The following PLB1 variants were observed in gnomAD, a reference collection of about 807,000 sequenced individuals.
PLB1 encodes the protein phospholipase B1, also known as phospholipase B1, membrane-associated.
A neutral mutation model predicts 227.4 loss-of-function variants in PLB1; 242 were observed. The ratio of observed to expected loss-of-function variants is 1.06; its 90% CI spans 0.96 to 1.18. The LOEUF is 1.18. Ranked by LOEUF, PLB1 falls within the 50% of genes most tolerant of loss-of-function variation. The pLI, the probability that PLB1 is intolerant of heterozygous loss-of-function variation, is 0.00. For synonymous variants in PLB1, 757 were observed against 682.2 expected, an observed-to-expected ratio of 1.11 and a Z score of -1.71; for missense variants, 1,858 against 1,816.3, an observed-to-expected ratio of 1.02 and a Z score of -0.42.
intron 7 of PLB1, 87 bp downstream of exon 7, chr2:28,529,494 G>A (rs1393203381): frequency 1.7e-6 from 2 of 1,182,054 alleles, no homozygotes; most frequent in African/African-American, 3.1e-5. Context: ...GGCTGGCAAA[G>A]TCAAAGAGGC....
intron 1 of PLB1, among the ~76,000 whole-genome samples, chr2:28,516,155 T>G (rs2148174368): frequency 6.6e-6 from 1 of 152,336 alleles, no homozygotes; most frequent in Non-Finnish European, 1.5e-5. Context: ...TAAAATGAAT[T>G]TAATTTATTG....
At chr2:28,642,560 G>A (rs949612015) in intron 57 of PLB1, among the ~76,000 whole-genome samples, 2 of 152,204 alleles carry the variant, frequency 1.3e-5, no homozygotes, top group Non-Finnish European at 2.9e-5. Context: ...GGCCCCACAG[G>A]GCTCTCTGCC....
rs954869725 is a variant in PLB1, at chr2:28,634,463, C to T, written c.4098+1424C>T. 5.3e-5 allele frequency among the ~76,000 whole-genome samples: 8 copies of T among 152,122 alleles called. No homozygotes were observed. In the East Asian group the frequency reaches 1.5e-3, roughly 29 times the overall value. On this transcript the variant is annotated intron_variant, in intron 56 of 57. Coordinates refer to ENST00000327757, the MANE Select transcript of PLB1 (RefSeq NM_153021.5). ...ACAGATGCCCTTGGCCCTTCCTTCC[C>T]AGTTTTTTCATCAAGGTATGGCCTT...
Position 28,565,300 on chromosome 2 carries a change from C to T in PLB1, c.1227C>T (p.Ser409=). The T allele has an allele frequency of 6.2e-7, 1 of 1,612,188 alleles. No individual in the cohort carries two copies. Among genetic ancestry groups the T allele is most frequent in the African/African-American group, 1.3e-5 (1 of 75,026 alleles). Residue 409 remains serine, a synonymous_variant, in exon 19 of 58, where the codon TCC becomes TCT. Coordinates refer to ENST00000327757, the MANE Select transcript of PLB1 (RefSeq NM_153021.5). ...CTCAGGCAGGCAATGGGGCCGGGTCCACACCTGGGAACGTCTTGGACGTCT... is the reference window on the plus strand; with the variant it reads ...CTCAGGCAGGCAATGGGGCCGGGTCTACACCTGGGAACGTCTTGGACGTCT... ...DSLTAGNGAG[S]TPGNVLDVLT... is the part of the protein sequence containing the mutation.
chr2:28,529,581 T>C, intron 7 of PLB1, 147 bp from the exon 8 acceptor site: 1 of 976,754 alleles, frequency 1.0e-6, no homozygotes, highest in South Asian at 1.6e-5. Context: ...AGCCTAATTT[T>C]GAAAAACAGG....
chr2:28,640,493 G>T (rs1438552049), intron 56 of PLB1, among the ~76,000 whole-genome samples: 1 of 152,184 alleles, frequency 6.6e-6, no homozygotes, highest in African/African-American at 2.4e-5. Flanking sequence ...CTTTCCTAAG[G>T]TTGACTAGCC....
At chr2:28,528,940 TC>T (rs1487293119) in intron 6 of PLB1, among the ~76,000 whole-genome samples, 4 of 138,044 alleles carry the variant, frequency 2.9e-5, no homozygotes, top group Non-Finnish European at 6.2e-5. Context: ...AGGGAGTCAG[TC>T]TTTTTTTTTT....
At chr2:28,619,841 T>C (rs1268643945) in intron 46 of PLB1, among the ~76,000 whole-genome samples, 1 of 152,092 alleles carries the variant, frequency 6.6e-6, no homozygotes, top group African/African-American at 2.4e-5. Context: ...TTGGCTTTAA[T>C]CTTGAAGGTA....
chr2:28,605,837 T>TA lies in PLB1; in HGVS notation c.2962-15dup, dbSNP rs770589571. 1.3e-5 allele frequency: 20 copies of TA among 1,594,912 alleles called. No individual in the cohort carries two copies. In the South Asian group the frequency reaches 2.1e-4, roughly 17 times the overall value. On this transcript the variant is annotated splice_polypyrimidine_tract_variant and intron_variant, in intron 41 of 57. Coordinates refer to ENST00000327757, the MANE Select transcript of PLB1 (RefSeq NM_153021.5). Reference sequence around the variant, plus strand: ...GAACCAATAGGATCTTGAGGGGGTATATTGGTCTCTTTCAGGATGGGCTCC... The same window carrying TA: ...GAACCAATAGGATCTTGAGGGGGTATAATTGGTCTCTTTCAGGATGGGCTCC...
chr2:28,586,092 G>A (rs754910043), intron 26 of PLB1, among the ~76,000 whole-genome samples: 3 of 152,168 alleles, frequency 2.0e-5, no homozygotes, highest in Non-Finnish European at 2.9e-5. Context: ...TGAAACGAAC[G>A]TTTCCACTTG....
chr2:28,590,286 G>A (rs563754891), intron 29 of PLB1, among the ~76,000 whole-genome samples: 3 of 152,142 alleles, frequency 2.0e-5, no homozygotes, highest in Non-Finnish European at 2.9e-5. Flanking sequence ...TGGTCCCTGC[G>A]TGGCTGGGAG....
chr2:28,599,333 G>A (rs1396855394), intron 35 of PLB1, among the ~76,000 whole-genome samples: 2 of 152,230 alleles, frequency 1.3e-5, no homozygotes, highest in Non-Finnish European at 1.5e-5. Context: ...AGCAGCCTAG[G>A]TCTTCTTGCT....
At chr2:28,578,778 A>G (rs955369660) in intron 22 of PLB1, among the ~76,000 whole-genome samples, 2 of 152,226 alleles carry the variant, frequency 1.3e-5, no homozygotes, top group Non-Finnish European at 2.9e-5. Flanking sequence ...TATGTTATAT[A>G]TAATTTAATG....
chr2:28,585,830 CA>C lies in PLB1; in HGVS notation c.1805del (p.Lys602ArgfsTer10), dbSNP rs1680816327. The C allele has an allele frequency of 6.2e-7, 1 of 1,606,438 alleles. No individual in the cohort carries two copies. The highest frequency in any genetic ancestry group is 1.7e-5 in the Admixed American group (1 of 59,994). ...AACTTGCTACCCTCATCGAATTCAA[CA>C]AGAAGTTTCAGGTAAGCCGGGAAGG... Reference protein sequence around the residue: ...TELATLIEFNKKFQEKTHQLI... With the variant: ...TELATLIEFNXKFQEKTHQLI... On this transcript the variant is annotated frameshift_variant, in exon 26 of 58. Transcript: ENST00000327757. LOFTEE classifies it high-confidence loss of function.
chr2:28,565,342 C>T lies in PLB1; in HGVS notation c.1269C>T (p.Gly423=). Residue 423 remains glycine (G), a synonymous_variant, in exon 19 of 58, where the codon GGC becomes GGT. Transcript: ENST00000327757. ...NVLDVLTQYR[G]LSWSVGGDEN... ...TGGACGTCTTGACTCAGTACCGAGGCCTGTCCTGGAGGTGAGTGAGGGTGT... is the reference window on the plus strand; with the variant it reads ...TGGACGTCTTGACTCAGTACCGAGGTCTGTCCTGGAGGTGAGTGAGGGTGT... 6.2e-7 allele frequency: 1 copy of T among 1,608,736 alleles called. No individual in the cohort carries two copies. The highest frequency in any genetic ancestry group is 2.2e-5 in the East Asian group (1 of 44,790).
Position 28,630,700 on chromosome 2 carries a change from G to A in PLB1, c.3897+36G>A, listed in dbSNP as rs192153162. On this transcript the variant is annotated intron_variant, in intron 54 of 57. Coordinates refer to ENST00000327757, the MANE Select transcript of PLB1 (RefSeq NM_153021.5). ...CAGCCCTTCTCTTACTGACCCAGCT[G>A]GGGGGCCCCCTGTACTCCAAGGACT... The A allele has an allele frequency of 5.0e-3, 7,828 of 1,570,322 alleles. 23 individuals carry two copies. Among genetic ancestry groups the A allele is most frequent in the Non-Finnish European group, 5.8e-3 (6,687 of 1,153,046 alleles).
At chr2:28,552,037 G>A (rs1015502518) in intron 16 of PLB1, among the ~76,000 whole-genome samples, 3 of 152,134 alleles carry the variant, frequency 2.0e-5, no homozygotes, top group African/African-American at 7.2e-5. Flanking sequence ...ATAAAAAATA[G>A]GACTTGTCCC....
In PLB1 at chr2:28,601,279, G is replaced by A. The variant is rs1683829465; in HGVS notation, c.2554G>A (p.Val852Ile). Residue 852 changes from valine to isoleucine, a missense_variant, in exon 37 of 58, where the codon GTC becomes ATC. Physicochemically the swap from Val to Ile is conservative, Grantham distance 29. Coordinates refer to ENST00000327757, the MANE Select transcript of PLB1 (RefSeq NM_153021.5). ...HRVNFHEDWK[V>I]ITVLIGGSDL... ...AGTAAATTTCCATGAAGACTGGAAG[G>A]TCATCACAGTGCTGATCGGAGGCAG... 6.2e-7 allele frequency: 1 copy of A among 1,614,052 alleles called. No individual in the cohort carries two copies.
chr2:28,613,106 G>T (rs748436682), intron 43 of PLB1, among the ~76,000 whole-genome samples: 2 of 151,896 alleles, frequency 1.3e-5, no homozygotes, highest in African/African-American at 2.4e-5. Context: ...TTAATTTGTC[G>T]TAGAGATGGG....
Sources: allele counts gnomAD v4.1 joint callset (sites outside exome capture counted in the v4.1 genomes callset), GRCh38; gene constraint gnomAD v4.1.1; transcripts MANE v1.5; gene names NCBI Gene and HGNC (gene_info 2026-07-23, HGNC 2026-07-21).